Variants in H4C16 observed in about 807,000 individuals in gnomAD.
The protein encoded by H4C16 is H4 histone 16.
the H4C16 span, chr12:14,770,937 G>T: frequency 6.2e-7 from 1 of 1,614,234 alleles, no homozygotes; most frequent in Non-Finnish European, 8.5e-7. Context: ...TCGTAGATGA[G>T]ACCAGAAATG....
At chr12:14,770,907 T>C in the H4C16 span, 3 of 1,614,202 alleles carry the variant, frequency 1.9e-6, no homozygotes, top group Admixed American at 1.7e-5. Flanking sequence ...AGGAAGACTT[T>C]GAGGACTCCC....
the H4C16 span, chr12:14,771,004 G>T: frequency 1.9e-6 from 3 of 1,613,806 alleles, no homozygotes; most frequent in Non-Finnish European, 2.5e-6. Flanking sequence ...TAATGCCTTG[G>T]ATATTGTCCC....
chr12:14,771,032 C>T, the H4C16 span: 2 of 1,613,314 alleles, frequency 1.2e-6, no homozygotes, highest in Non-Finnish European at 1.7e-6. Flanking sequence ...CTTCCGGTGG[C>T]GCTTGGCGCC....
the H4C16 span, chr12:14,771,001 T>TC: frequency 7.6e-4 from 1,226 of 1,614,190 alleles, 18 homozygotes; most frequent in East Asian, 0.024. Flanking sequence ...TTGTAATGCC[T>TC]TGGATATTGT....
chr12:14,770,937 G>A, the H4C16 span: 3 of 1,614,234 alleles, frequency 1.9e-6, no homozygotes, highest in Non-Finnish European at 2.5e-6. Context: ...TCGTAGATGA[G>A]ACCAGAAATG....
chr12:14,770,888 A>G, the H4C16 span: 2 of 1,614,198 alleles, frequency 1.2e-6, no homozygotes, highest in Non-Finnish European at 8.5e-7. Context: ...GTCACGGATC[A>G]CGTTCTCCAG....
the H4C16 span, chr12:14,770,753 A>G: frequency 6.3e-7 from 1 of 1,593,908 alleles, no homozygotes. Context: ...TGGAGTCTGT[A>G]GAGAAGCTGT....
At chr12:14,770,726 C>A in the H4C16 span, 1 of 1,532,502 alleles carries the variant, frequency 6.5e-7, no homozygotes, top group Non-Finnish European at 8.8e-7. Context: ...AGTTTGGGGG[C>A]CCTGAAAAGG....
chr12:14,770,878 G>T, the H4C16 span: 1 of 1,614,206 alleles, frequency 6.2e-7, no homozygotes, highest in Non-Finnish European at 8.5e-7. Context: ...AAGTCACCGC[G>T]TCACGGATCA....
the H4C16 span, chr12:14,771,126 C>T: frequency 7.8e-6 from 12 of 1,541,592 alleles, no homozygotes; most frequent in African/African-American, 2.8e-5. Flanking sequence ...TCGGGCTGCC[C>T]ACTGTGATTG....
At chr12:14,771,119 G>C in the H4C16 span, 3 of 1,552,722 alleles carry the variant, frequency 1.9e-6, no homozygotes, top group East Asian at 4.5e-5. Context: ...CAGAAAATCG[G>C]GCTGCCCACT....
the H4C16 span, chr12:14,771,086 C>T: frequency 6.3e-7 from 1 of 1,586,088 alleles, no homozygotes. Context: ...CCCAGACATT[C>T]TGAAATCACA....
chr12:14,770,845 C>G, the H4C16 span: 2 of 1,614,220 alleles, frequency 1.2e-6, no homozygotes. Flanking sequence ...CCGTGACGGT[C>G]TTGCGCTTGG....
chr12:14,771,103 A>T, the H4C16 span: 1 of 1,567,914 alleles, frequency 6.4e-7, no homozygotes, highest in South Asian at 1.2e-5. Context: ...CACAGCGCCT[A>T]CTCAGCAGAA....
At chr12:14,771,013 C>T in the H4C16 span, 10 of 1,614,010 alleles carry the variant, frequency 6.2e-6, no homozygotes, top group South Asian at 4.4e-5. Flanking sequence ...GGATATTGTC[C>T]CGCAGCACCT....
chr12:14,770,973 G>C, the H4C16 span: 1 of 1,614,236 alleles, frequency 6.2e-7, no homozygotes, highest in Non-Finnish European at 8.5e-7. Context: ...CGTCGGGCGA[G>C]ACGGCGAATC....
At chr12:14,770,906 T>C in the H4C16 span, 13 of 1,614,192 alleles carry the variant, frequency 8.1e-6, no homozygotes, top group South Asian at 1.1e-5. Flanking sequence ...CAGGAAGACT[T>C]TGAGGACTCC....
At chr12:14,771,011 T>C in the H4C16 span, 1 of 1,614,178 alleles carries the variant, frequency 6.2e-7, no homozygotes, top group South Asian at 1.1e-5. Flanking sequence ...TTGGATATTG[T>C]CCCGCAGCAC....
chr12:14,770,799 G>A, the H4C16 span: 1 of 1,613,778 alleles, frequency 6.2e-7, no homozygotes, highest in Non-Finnish European at 8.5e-7. Flanking sequence ...TAAAGGGTGC[G>A]ACCCTGGCGT....
Sources: gnomAD v4.1 joint callset for allele counts on GRCh38, gnomAD v4.1.1 for gene constraint, MANE v1.5 for transcripts, NCBI Gene and HGNC (gene_info 2026-07-23, HGNC 2026-07-21) for gene names.